DEPDC4: variants seen among roughly 807,000 people sequenced by gnomAD.
DEPDC4 encodes DEP domain-containing protein 4.
In DEPDC4, 52 loss-of-function variants were observed where a neutral mutation model predicts 52.0. That is an observed-to-expected ratio of 1.00 (90% CI 0.80 to 1.26). The LOEUF is 1.26. DEPDC4 is among the 50% of genes most tolerant of loss of function. The probability of loss-of-function intolerance (pLI) is 0.00; values close to 1 mark genes in which losing one functional copy is unlikely to be tolerated. For synonymous variants in DEPDC4, 201 were observed against 196.8 expected (o/e 1.02, Z -0.18); for missense variants, 530 against 546.9 (o/e 0.97, Z 0.31).
Position 100,241,781 on chromosome 12 carries a change from C to T in DEPDC4, c.*111G>A. On this transcript the variant is annotated 3_prime_UTR_variant, in exon 10 of 10. Coordinates refer to ENST00000550587, the MANE Select transcript of DEPDC4 (RefSeq NM_001364818.2). Reference sequence around the variant, plus strand: ...TCTCAAGAGCCAACTGGTGTAGATACTGAATTGTCCTTCCCTTCTGCTTTT... The same window carrying T: ...TCTCAAGAGCCAACTGGTGTAGATATTGAATTGTCCTTCCCTTCTGCTTTT... 2 of 1,266,002 alleles carry T rather than the reference C, an allele frequency of 1.6e-6. No homozygotes were observed. Among genetic ancestry groups the T allele is most frequent in the African/African-American group, 1.6e-5 (1 of 64,128 alleles). 78.4% of individuals were successfully genotyped at this position (1,266,002 alleles called of 1,614,324 possible).
At chr12:100,246,127 T>G (rs1399232746) in intron 8 of DEPDC4, among the ~76,000 whole-genome samples, 2 of 151,514 alleles carry the variant, frequency 1.3e-5, no homozygotes, top group Non-Finnish European at 2.9e-5. Flanking sequence ...GCCTGGGTTT[T>G]TTTTTTTTTT....
chr12:100,246,384 C>G (rs1247660911), intron 8 of DEPDC4, among the ~76,000 whole-genome samples: 1 of 152,108 alleles, frequency 6.6e-6, no homozygotes, highest in Non-Finnish European at 1.5e-5. Context: ...ATATGGCTGT[C>G]TCTCATTCAT....
chr12:100,237,966 A>T, downstream of DEPDC4: 1 of 518,868 alleles, frequency 1.9e-6, no homozygotes, highest in Non-Finnish European at 2.5e-6. Flanking sequence ...GCAAATCCCT[A>T]CCTGATTCAC....
chr12:100,261,602 A>C (rs2096253805), intron 3 of DEPDC4: 1 of 408,334 alleles, frequency 2.4e-6, no homozygotes, highest in Non-Finnish European at 4.9e-6. Context: ...GTCTTGCAGG[A>C]CAAATACTAA....
chr12:100,270,277 G>A (rs184410672), upstream of DEPDC4, among the ~76,000 whole-genome samples: 55 of 152,186 alleles, frequency 3.6e-4, no homozygotes, highest in Non-Finnish European at 6.0e-4. Flanking sequence ...GTGAGCCACC[G>A]CGCCTGGCCG....
At chr12:100,280,817 C>G in the DEPDC4 span, among the ~76,000 whole-genome samples, 1 of 151,968 alleles carries the variant, frequency 6.6e-6, no homozygotes, top group African/African-American at 2.4e-5. Flanking sequence ...ATAAAAAAAT[C>G]CAAAACACTT....
Position 100,241,799 on chromosome 12 carries a change from C to G in DEPDC4, c.*93G>C. On this transcript the variant is annotated 3_prime_UTR_variant, in exon 10 of 10. Coordinates refer to ENST00000550587, the MANE Select transcript of DEPDC4 (RefSeq NM_001364818.2). The stretch of plus-strand genomic sequence containing the variant: ...GTAGATACTGAATTGTCCTTCCCTT[C>G]TGCTTTTCAAACTCCTTGTATGTCA... 1 of 1,252,544 alleles carries G rather than the reference C, an allele frequency of 8.0e-7. No homozygotes were observed. Among genetic ancestry groups the G allele is most frequent in the Non-Finnish European group, 1.0e-6 (1 of 971,514 alleles). The allele number at this position is 1,252,544 out of a possible 1,614,324, so 77.6% of individuals were successfully genotyped here. A position where few individuals can be genotyped will look rare whatever the true frequency, so the allele number is the denominator to read the frequency against.
downstream of DEPDC4, among the ~76,000 whole-genome samples, chr12:100,236,848 T>C (rs1161822242): frequency 6.6e-6 from 1 of 152,214 alleles, no homozygotes; most frequent in Non-Finnish European, 1.5e-5. Context: ...CATCTTGAGT[T>C]GATTTTTGTA....
chr12:100,267,951 A>G (rs540871427), upstream of DEPDC4, among the ~76,000 whole-genome samples: 12 of 152,226 alleles, frequency 7.9e-5, no homozygotes, highest in South Asian at 2.5e-3. Context: ...GTTAAGAGAA[A>G]AAACCCCACG....
chr12:100,250,838 GC>G lies in DEPDC4; in HGVS notation c.1374+1337del, dbSNP rs2096204697. ...AGCATAAAACATTTACATAACCTGGGCCCTTACTACCATCTATTATTTATTT... is the reference window on the plus strand; with the variant it reads ...AGCATAAAACATTTACATAACCTGGGCCTTACTACCATCTATTATTTATTT... On this transcript the variant is annotated intron_variant, in intron 7 of 9. Transcript: ENST00000550587. Among the ~76,000 whole-genome samples, 3 of 152,058 alleles carry G rather than the reference GC, an allele frequency of 2.0e-5. No individual in the cohort carries two copies. In the South Asian group the frequency reaches 6.2e-4, roughly 32 times the overall value.
chr12:100,271,271 A>G (rs1243423549), upstream of DEPDC4, among the ~76,000 whole-genome samples: 1 of 150,438 alleles, frequency 6.6e-6, no homozygotes. Flanking sequence ...AAAAAAAAAA[A>G]AAAAAAAAAA....
At chr12:100,281,726 C>T in the DEPDC4 span, among the ~76,000 whole-genome samples, 4 of 150,664 alleles carry the variant, frequency 2.7e-5, no homozygotes, top group Non-Finnish European at 5.9e-5. Context: ...CCCAGCTACT[C>T]GGGAGGCTGA....
intron 3 of DEPDC4, among the ~76,000 whole-genome samples, chr12:100,260,715 A>C (rs1222247588): frequency 6.7e-6 from 1 of 149,378 alleles, no homozygotes; most frequent in Non-Finnish European, 1.5e-5. Flanking sequence ...ATCTCTACTA[A>C]TAATACAAAA....
intron 7 of DEPDC4, among the ~76,000 whole-genome samples, chr12:100,249,228 G>T (rs1480578002): frequency 6.6e-6 from 1 of 152,096 alleles, no homozygotes; most frequent in Non-Finnish European, 1.5e-5. Context: ...CATCATTAGT[G>T]AAATGTTCTC....
chr12:100,260,418 G>A (rs1158028099), intron 3 of DEPDC4, among the ~76,000 whole-genome samples: 1 of 151,662 alleles, frequency 6.6e-6, no homozygotes, highest in African/African-American at 2.4e-5. Context: ...ACCGTGCCCT[G>A]GCCTTTACTG....
chr12:100,233,872 T>C (rs1177523724), intron 9 of DEPDC4, among the ~76,000 whole-genome samples: 2 of 152,046 alleles, frequency 1.3e-5, no homozygotes, highest in African/African-American at 4.8e-5. Context: ...GAAAAACGTT[T>C]TGTCTCAAAA....
At chr12:100,236,452 G>A (rs974176547), downstream of DEPDC4, among the ~76,000 whole-genome samples, 1 of 151,976 alleles carries the variant, frequency 6.6e-6, no homozygotes, top group Admixed American at 6.6e-5. Context: ...GTGATGTTGA[G>A]CATTTTTTCA....
intron 5 of DEPDC4, among the ~76,000 whole-genome samples, chr12:100,253,009 C>T (rs11110318): frequency 0.064 from 9,732 of 152,020 alleles, 343 homozygotes; most frequent in Middle Eastern, 0.15. Flanking sequence ...CTCCGCCTCC[C>T]GAGTCCACAC....
chr12:100,239,037 G>A (rs895576354), downstream of DEPDC4, among the ~76,000 whole-genome samples: 7 of 152,038 alleles, frequency 4.6e-5, no homozygotes, highest in Non-Finnish European at 8.8e-5. Context: ...TTGTACTTTG[G>A]CCCTTTGAAA....
Sources: allele counts gnomAD v4.1 joint callset (sites outside exome capture counted in the v4.1 genomes callset), GRCh38; gene constraint gnomAD v4.1.1; transcripts MANE v1.5; gene names NCBI Gene and HGNC (gene_info 2026-07-23, HGNC 2026-07-21).